The following LRRC4C variants were observed in gnomAD, a reference collection of about 807,000 sequenced individuals.
The protein encoded by LRRC4C is leucine rich repeat containing 4C, also known as leucine-rich repeat-containing protein 4C.
A neutral mutation model predicts 33.6 loss-of-function variants in LRRC4C; 5 were observed. That is an observed-to-expected ratio of 0.15 (90% CI 0.08 to 0.31). The LOEUF (loss-of-function observed/expected upper bound fraction) is 0.31. Among genes scored for constraint, LRRC4C ranks in the 10% least tolerant of loss-of-function variants. The pLI, the probability that LRRC4C is intolerant of heterozygous loss-of-function variation, is 1.00. For synonymous variants in LRRC4C, 329 were observed against 302.0 expected (o/e 1.09, Z -0.93); for missense variants, 560 against 796.7 (o/e 0.70, Z 3.58).
At chr11:40,767,531 A>G (rs1185657601) in intron 2 of LRRC4C, among the ~76,000 whole-genome samples, 1 of 152,126 alleles carries the variant, frequency 6.6e-6, no homozygotes, top group African/African-American at 2.4e-5. Flanking sequence ...CATACTTTTC[A>G]TCATCACATA....
At chr11:41,188,651 T>A (rs982858395) in intron 1 of LRRC4C, among the ~76,000 whole-genome samples, 1 of 151,816 alleles carries the variant, frequency 6.6e-6, no homozygotes, top group Admixed American at 6.6e-5. Context: ...CAATATTAGT[T>A]TTTTTATCTC....
At chr11:40,514,491 C>G (rs1268606608) in intron 3 of LRRC4C, among the ~76,000 whole-genome samples, 1 of 151,958 alleles carries the variant, frequency 6.6e-6, no homozygotes, top group Non-Finnish European at 1.5e-5. Flanking sequence ...ATGAGGATTA[C>G]TTGAAAAAAG....
At chr11:40,145,166 G>A (rs1336979004) in intron 5 of LRRC4C, among the ~76,000 whole-genome samples, 1 of 152,064 alleles carries the variant, frequency 6.6e-6, no homozygotes, top group African/African-American at 2.4e-5. Flanking sequence ...AGCTTATTTG[G>A]TGAAATAAAC....
intron 1 of LRRC4C, among the ~76,000 whole-genome samples, chr11:41,403,537 G>T (rs1478898007): frequency 2.6e-5 from 4 of 151,970 alleles, no homozygotes; most frequent in Non-Finnish European, 5.9e-5. Context: ...TGCCACAAGG[G>T]GTCCCAACAA....
intron 1 of LRRC4C, among the ~76,000 whole-genome samples, chr11:41,014,822 G>T (rs533321236): frequency 6.6e-6 from 1 of 152,090 alleles, no homozygotes; most frequent in African/African-American, 2.4e-5. Context: ...GAAGTCCTGG[G>T]GTAATGAATG....
At chr11:41,069,372 C>T (rs1056370084) in intron 1 of LRRC4C, among the ~76,000 whole-genome samples, 1 of 152,142 alleles carries the variant, frequency 6.6e-6, no homozygotes, top group Admixed American at 6.5e-5. Context: ...GACAAGGATG[C>T]CCTCTCTCAC....
At chr11:41,371,506 T>A (rs1952745549) in intron 1 of LRRC4C, among the ~76,000 whole-genome samples, 2 of 152,142 alleles carry the variant, frequency 1.3e-5, no homozygotes, top group African/African-American at 4.8e-5. Flanking sequence ...ATCTCAGTTG[T>A]GGGACATTTA....
At chr11:40,880,625 G>T (rs1481316193) in intron 2 of LRRC4C, among the ~76,000 whole-genome samples, 2 of 149,552 alleles carry the variant, frequency 1.3e-5, no homozygotes, top group African/African-American at 4.9e-5. Context: ...AATTATTCTT[G>T]ATATAAGAAT....
chr11:40,169,585 A>T (rs1859876196), intron 5 of LRRC4C, among the ~76,000 whole-genome samples: 1 of 152,186 alleles, frequency 6.6e-6, no homozygotes, highest in African/African-American at 2.4e-5. Flanking sequence ...TTGCAATATA[A>T]TACTTTGATT....
In LRRC4C at chr11:40,809,486, C is replaced by T. The variant is rs145151743; in HGVS notation, c.-407+124149G>A. Among the ~76,000 whole-genome samples the T allele has an allele frequency of 1.9e-3, 282 of 152,162 alleles. 3 individuals carry two copies. Among genetic ancestry groups the T allele is most frequent in the African/African-American group, 6.2e-3 (257 of 41,508 alleles). On this transcript the variant is annotated intron_variant, in intron 2 of 6. Transcript: ENST00000528697. ...TTATACTTAAAAATTTCTACATCTC[C>T]CCACCTCTGTGTCCTACCTATATCC...
intron 2 of LRRC4C, among the ~76,000 whole-genome samples, chr11:40,917,801 T>C (rs572522342): frequency 4.6e-5 from 7 of 152,242 alleles, no homozygotes; most frequent in Non-Finnish European, 8.8e-5. Flanking sequence ...AGATAAATAG[T>C]GTCCCCTTGG....
intron 4 of LRRC4C, among the ~76,000 whole-genome samples, chr11:40,279,925 A>T (rs903218001): frequency 6.6e-6 from 1 of 152,176 alleles, no homozygotes; most frequent in Non-Finnish European, 1.5e-5. Flanking sequence ...TGAATCTGAG[A>T]AAAAGTAAAG....
chr11:41,026,134 T>C (rs1856335124), intron 1 of LRRC4C, among the ~76,000 whole-genome samples: 1 of 151,718 alleles, frequency 6.6e-6, no homozygotes, highest in African/African-American at 2.4e-5. Flanking sequence ...AGGCTATAGC[T>C]GACATAGTGA....
At chr11:40,813,788 G>A (rs764892137) in intron 2 of LRRC4C, among the ~76,000 whole-genome samples, 20 of 151,906 alleles carry the variant, frequency 1.3e-4, no homozygotes, top group Non-Finnish European at 2.4e-4. Flanking sequence ...CTGGCAAAAC[G>A]AAGGGGCTAC....
chr11:40,398,103 A>T (rs2137517366), intron 3 of LRRC4C, among the ~76,000 whole-genome samples: 1 of 152,218 alleles, frequency 6.6e-6, no homozygotes, highest in Middle Eastern at 3.4e-3. Context: ...TTATGAAATT[A>T]TAGATTATGA....
chr11:40,872,260 C>A (rs1954687233), intron 2 of LRRC4C, among the ~76,000 whole-genome samples: 1 of 151,722 alleles, frequency 6.6e-6, no homozygotes, highest in Non-Finnish European at 1.5e-5. Flanking sequence ...ATCCAGTGTA[C>A]CTTTGGGCTC....
At chr11:40,408,033 A>T (rs550630654) in intron 3 of LRRC4C, among the ~76,000 whole-genome samples, 1 of 152,140 alleles carries the variant, frequency 6.6e-6, no homozygotes, top group South Asian at 2.1e-4. Flanking sequence ...AATTATATCA[A>T]TCTATTTCTC....
intron 2 of LRRC4C, among the ~76,000 whole-genome samples, chr11:40,662,354 A>G (rs924472502): frequency 5.9e-5 from 9 of 152,154 alleles, no homozygotes; most frequent in Non-Finnish European, 2.9e-5. Context: ...CCAAGATCTG[A>G]CCACAAACCC....
chr11:40,760,513 A>C (rs568359803), intron 2 of LRRC4C, among the ~76,000 whole-genome samples: 1 of 151,814 alleles, frequency 6.6e-6, no homozygotes, highest in Non-Finnish European at 1.5e-5. Flanking sequence ...TATAACACAT[A>C]CTCATGCTCA....
Sources: gnomAD v4.1 joint callset for allele counts (sites outside exome capture counted in the v4.1 genomes callset) on GRCh38, gnomAD v4.1.1 for gene constraint, MANE v1.5 for transcripts, NCBI Gene and HGNC (gene_info 2026-07-23, HGNC 2026-07-21) for gene names.